Variants in ADAMTSL1 observed in about 807,000 individuals in gnomAD.
ADAMTSL1 encodes the protein ADAMTS like 1.
ADAMTSL1 carries 126 observed loss-of-function variants against 201.8 expected under a neutral mutation model. The observed-to-expected ratio is 0.62, with a 90% CI of 0.54 to 0.72. ADAMTSL1 has a LOEUF of 0.72. ADAMTSL1 is among the 30% of genes least tolerant of loss of function. ADAMTSL1 has a pLI of 0.00. For synonymous variants in ADAMTSL1, 1,121 were observed against 903.4 expected (o/e 1.24, Z -4.32); for missense variants, 2,679 against 2,277.8 (o/e 1.18, Z -3.59).
rs764900530 is a variant in ADAMTSL1 at position 18,445,782 on chromosome 9, AT to A, written c.208-59041del. On this transcript the variant is annotated intron_variant, in intron 2 of 29. Transcript: ENST00000680146. ...CTTGAATGTATTTAGAAAATCCAAT[AT>A]TTTTTAAAACCTACATTTAATCTTT... Among the ~76,000 whole-genome samples, 5 of 152,166 alleles carry A rather than the reference AT, an allele frequency of 3.3e-5. No homozygotes were observed. In the East Asian group the frequency reaches 9.6e-4, roughly 29 times the overall value.
At chr9:18,823,348 C>T (rs1453893794) in intron 21 of ADAMTSL1, among the ~76,000 whole-genome samples, 2 of 152,168 alleles carry the variant, frequency 1.3e-5, no homozygotes, top group Non-Finnish European at 2.9e-5. Flanking sequence ...CATGAAGTCC[C>T]CTGCTGTCAC....
intron 1 of ADAMTSL1, among the ~76,000 whole-genome samples, chr9:17,912,817 T>C (rs1825937658): frequency 7.1e-6 from 1 of 140,492 alleles, no homozygotes; most frequent in Non-Finnish European, 1.6e-5. Flanking sequence ...TTTATGGTTT[T>C]AGGTCTAACG....
chr9:18,745,086 C>G (rs565192736), intron 15 of ADAMTSL1, among the ~76,000 whole-genome samples: 1 of 152,116 alleles, frequency 6.6e-6, no homozygotes, highest in Non-Finnish European at 1.5e-5. Flanking sequence ...ATATGTAGCA[C>G]TTAATAAGTA....
At chr9:18,902,405 A>C (rs769997855) in intron 26 of ADAMTSL1, among the ~76,000 whole-genome samples, 9 of 152,262 alleles carry the variant, frequency 5.9e-5, no homozygotes, top group Non-Finnish European at 1.2e-4. Flanking sequence ...ATGTATACAG[A>C]GTATCTTTTC....
chr9:18,128,844 C>G (rs941138821), intron 1 of ADAMTSL1, among the ~76,000 whole-genome samples: 1 of 151,898 alleles, frequency 6.6e-6, no homozygotes, highest in African/African-American at 2.4e-5. Flanking sequence ...TAAACAATAG[C>G]AGAAAGAAGG....
intron 15 of ADAMTSL1, among the ~76,000 whole-genome samples, chr9:18,747,410 T>C (rs1156492377): frequency 1.3e-5 from 2 of 151,762 alleles, no homozygotes; most frequent in African/African-American, 4.8e-5. Context: ...GGTTCATAAA[T>C]CCACAGAGCT....
chr9:18,046,509 C>T (rs1347819985), intron 1 of ADAMTSL1, among the ~76,000 whole-genome samples: 1 of 152,136 alleles, frequency 6.6e-6, no homozygotes, highest in Non-Finnish European at 1.5e-5. Context: ...ATATAGTCAC[C>T]TGGTTACATC....
chr9:18,072,151 G>C (rs1166525769), intron 1 of ADAMTSL1, among the ~76,000 whole-genome samples: 2 of 152,096 alleles, frequency 1.3e-5, no homozygotes, highest in Non-Finnish European at 2.9e-5. Flanking sequence ...CGTTTTTCTT[G>C]TTTTTCAGGA....
intron 2 of ADAMTSL1, among the ~76,000 whole-genome samples, chr9:18,199,099 G>C (rs942310678): frequency 6.8e-6 from 1 of 146,000 alleles, no homozygotes; most frequent in Admixed American, 6.9e-5. Context: ...TCACACTCTG[G>C]GGACTGTTGT....
chr9:18,272,846 T>G (rs1459279492), intron 2 of ADAMTSL1, among the ~76,000 whole-genome samples: 1 of 152,212 alleles, frequency 6.6e-6, no homozygotes, highest in Non-Finnish European at 1.5e-5. Flanking sequence ...GATCATTTCT[T>G]TCTTTGAGCT....
chr9:18,782,144 G>A (rs1821429992), intron 19 of ADAMTSL1, among the ~76,000 whole-genome samples: 1 of 152,150 alleles, frequency 6.6e-6, no homozygotes, highest in Admixed American at 6.5e-5. Context: ...TTAGATACTA[G>A]GGATGGAGGA....
At chr9:18,427,614 C>G (rs1818246953) in intron 2 of ADAMTSL1, among the ~76,000 whole-genome samples, 1 of 152,260 alleles carries the variant, frequency 6.6e-6, no homozygotes, top group South Asian at 2.1e-4. Flanking sequence ...GAGGAGTTAA[C>G]TGGCTTTGCC....
chr9:18,734,954 T>G (rs1308950676), intron 15 of ADAMTSL1, among the ~76,000 whole-genome samples: 5 of 152,182 alleles, frequency 3.3e-5, no homozygotes, highest in Non-Finnish European at 7.3e-5. Flanking sequence ...AGGAAGCTGA[T>G]AGATTTTTGT....
chr9:18,732,086 G>A (rs2133486483), intron 15 of ADAMTSL1, among the ~76,000 whole-genome samples: 1 of 152,330 alleles, frequency 6.6e-6, no homozygotes, highest in African/African-American at 2.4e-5. Flanking sequence ...GATCGCATAT[G>A]TAAAACACTT....
intron 1 of ADAMTSL1, among the ~76,000 whole-genome samples, chr9:17,974,275 G>A (rs1241688740): frequency 2.0e-5 from 3 of 151,970 alleles, no homozygotes; most frequent in Non-Finnish European, 2.9e-5. Flanking sequence ...GAAATAAAGG[G>A]TATTCAATGA....
intron 2 of ADAMTSL1, among the ~76,000 whole-genome samples, chr9:18,404,185 A>T (rs1818093799): frequency 6.6e-6 from 1 of 152,172 alleles, no homozygotes; most frequent in Non-Finnish European, 1.5e-5. Flanking sequence ...CTTTTATTTC[A>T]AGTATCTGTG....
At chr9:18,292,917 A>T (rs1833330695) in intron 2 of ADAMTSL1, among the ~76,000 whole-genome samples, 1 of 152,186 alleles carries the variant, frequency 6.6e-6, no homozygotes, top group Non-Finnish European at 1.5e-5. Flanking sequence ...ACTCCCTTTC[A>T]TATATACATA....
chr9:18,871,591 G>T (rs960995249), intron 23 of ADAMTSL1, among the ~76,000 whole-genome samples: 11 of 151,998 alleles, frequency 7.2e-5, no homozygotes, highest in Non-Finnish European at 1.3e-4. Context: ...TTCATCTTGG[G>T]GTTCCATCAC....
At chr9:17,913,951 C>A (rs1252216606) in intron 1 of ADAMTSL1, among the ~76,000 whole-genome samples, 1 of 137,922 alleles carries the variant, frequency 7.3e-6, no homozygotes, top group African/African-American at 2.7e-5. Context: ...GACACATACA[C>A]CCTCCCAAGA....
Sources: gnomAD v4.1 joint callset for allele counts (sites outside exome capture counted in the v4.1 genomes callset) on GRCh38, gnomAD v4.1.1 for gene constraint, MANE v1.5 for transcripts, NCBI Gene and HGNC (gene_info 2026-07-23, HGNC 2026-07-21) for gene names.